CATSPERB: variants seen among roughly 807,000 people sequenced by gnomAD.
CATSPERB encodes catsper channel auxiliary subunit beta.
In CATSPERB, 93 loss-of-function variants were observed where a neutral mutation model predicts 128.3. The observed-to-expected ratio is 0.72, with a 90% CI of 0.61 to 0.86. The LOEUF is 0.86. Ranked by LOEUF, CATSPERB falls within the 40% of genes least tolerant of loss-of-function variation. The pLI, the probability that CATSPERB is intolerant of heterozygous loss-of-function variation, is 0.00. For missense variants in CATSPERB, 1,153 were observed against 1,329.5 expected (o/e 0.87, Z 2.06); for synonymous variants, 381 against 448.8 (o/e 0.85, Z 1.91).
chr14:91,619,555 A>T (rs57050562), intron 19 of CATSPERB, among the ~76,000 whole-genome samples: 2,500 of 144,006 alleles, frequency 0.017, 51 homozygotes, highest in African/African-American at 0.047. Context: ...CTTTTTTTTA[A>T]AAAAAAAATA....
At chr14:91,624,346 T>A (rs1894112384) in intron 18 of CATSPERB, among the ~76,000 whole-genome samples, 1 of 152,208 alleles carries the variant, frequency 6.6e-6, no homozygotes, top group Non-Finnish European at 1.5e-5. Flanking sequence ...TAGCTGGGCG[T>A]GGCAGCATGC....
chr14:91,636,263 TG>T, intron 17 of CATSPERB, 161 bp downstream of exon 17: 2 of 613,088 alleles, frequency 3.3e-6, no homozygotes, highest in Non-Finnish European at 2.8e-6. Context: ...TTCTGGAGGC[TG>T]GGGCCAGAGC....
chr14:91,613,800 T>C (rs1893882674), intron 20 of CATSPERB, among the ~76,000 whole-genome samples: 2 of 152,126 alleles, frequency 1.3e-5, no homozygotes, highest in Admixed American at 1.3e-4. Flanking sequence ...AGAGTAGCCT[T>C]TTGCTCATTA....
intron 14 of CATSPERB, among the ~76,000 whole-genome samples, chr14:91,663,924 C>T (rs1191388355): frequency 6.6e-6 from 1 of 152,170 alleles, no homozygotes; most frequent in Non-Finnish European, 1.5e-5. Context: ...TCCCCAACAA[C>T]TGATGAACCT....
At chr14:91,651,903 A>G (rs1894709300) in intron 15 of CATSPERB, among the ~76,000 whole-genome samples, 1 of 152,158 alleles carries the variant, frequency 6.6e-6, no homozygotes, top group Admixed American at 6.6e-5. Flanking sequence ...TCATACAGGG[A>G]AAAAAATGAA....
Position 91,608,360 on chromosome 14 carries a change from G to A in CATSPERB, c.2643C>T (p.Leu881=). ...GATCTGCATGATAAAAATTATCTGT[G>A]AGTGGAATAGCAATTCCCATATTAG... ...PPSNMGIAIP[L]TDNFYHADPS... The change falls in exon 22 of 27, where the codon CTC becomes CTT. Residue 881 remains leucine (L), a synonymous_variant. Transcript: ENST00000256343. 1 of 1,611,678 alleles carries A rather than the reference G, an allele frequency of 6.2e-7. No homozygotes were observed. The highest frequency in any genetic ancestry group is 1.3e-5 in the African/African-American group (1 of 74,954).
intron 15 of CATSPERB, among the ~76,000 whole-genome samples, chr14:91,658,998 G>A (rs1482018841): frequency 6.6e-6 from 1 of 151,918 alleles, no homozygotes; most frequent in African/African-American, 2.4e-5. Context: ...GAGTTGGAAA[G>A]GAGTGGGCAA....
intron 22 of CATSPERB, among the ~76,000 whole-genome samples, chr14:91,599,379 G>C (rs1324936129): frequency 6.6e-6 from 1 of 151,930 alleles, no homozygotes; most frequent in Non-Finnish European, 1.5e-5. Context: ...CTAACGCGGT[G>C]AAACCCCGTC....
intron 7 of CATSPERB, 31 bp downstream of exon 7, chr14:91,704,521 A>G (rs1007259297): frequency 6.3e-7 from 1 of 1,575,402 alleles, no homozygotes; most frequent in Admixed American, 1.8e-5. Context: ...TAAAAGGCCA[A>G]TGTCAACATT....
intron 11 of CATSPERB, 109 bp downstream of exon 11, chr14:91,683,768 C>A (rs1403021414): frequency 4.5e-6 from 3 of 671,006 alleles, no homozygotes; most frequent in Admixed American, 3.1e-5. Flanking sequence ...CCCTCCCCAG[C>A]CTAAAGTTTG....
At position 91,617,642 on chromosome 14, in the gene CATSPERB, G is replaced by A. The variant is rs1036715116; in HGVS notation, c.2355C>T (p.Asp785=). The A allele has an allele frequency of 3.1e-6, 5 of 1,599,312 alleles. No individual in the cohort carries two copies. Among genetic ancestry groups the A allele is most frequent in the Non-Finnish European group, 3.4e-6 (4 of 1,175,186 alleles). The change falls in exon 20 of 27, where the codon GAC becomes GAT. Residue 785 remains aspartate (D), a synonymous_variant. Transcript: ENST00000256343. ...CTGCAGAAATTGTTATTACATAACT[G>A]TCAGTATCATCAAAAGTCACTTCAG... is the stretch of plus-strand genomic sequence containing the variant. The part of the protein sequence containing the change: ...VTAEVTFDDT[D]SYVITISAAS...
intron 15 of CATSPERB, among the ~76,000 whole-genome samples, chr14:91,654,815 G>T (rs965194503): frequency 6.6e-6 from 1 of 152,138 alleles, no homozygotes; most frequent in Non-Finnish European, 1.5e-5. Context: ...GTGCTGTGCT[G>T]GCTCTGGGTT....
At chr14:91,718,029 G>T (rs1235527257) in intron 5 of CATSPERB, among the ~76,000 whole-genome samples, 1 of 152,114 alleles carries the variant, frequency 6.6e-6, no homozygotes, top group Non-Finnish European at 1.5e-5. Flanking sequence ...GGTGACTTTA[G>T]AATCAATGCT....
At chr14:91,704,773 GTTTTA>G in intron 6 of CATSPERB, 72 bp from the exon 7 acceptor site, 1 of 1,458,714 alleles carries the variant, frequency 6.9e-7, no homozygotes, top group Non-Finnish European at 9.4e-7. Context: ...TCCTTTAAAG[GTTTTA>G]AAAGAACTAT....
intron 20 of CATSPERB, among the ~76,000 whole-genome samples, chr14:91,612,173 C>T (rs984021835): frequency 6.6e-6 from 1 of 152,060 alleles, no homozygotes; most frequent in African/African-American, 2.4e-5. Flanking sequence ...GATCCTCTCA[C>T]CTCAGCTTCC....
intron 5 of CATSPERB, among the ~76,000 whole-genome samples, chr14:91,711,933 C>G (rs1225429656): frequency 6.6e-6 from 1 of 152,002 alleles, no homozygotes; most frequent in Non-Finnish European, 1.5e-5. Context: ...GAAAAATTCC[C>G]CAATATTTGA....
At chr14:91,698,092 C>A (rs908980025) in intron 7 of CATSPERB, among the ~76,000 whole-genome samples, 1 of 152,010 alleles carries the variant, frequency 6.6e-6, no homozygotes, top group African/African-American at 2.4e-5. Flanking sequence ...AGATCTTTCA[C>A]CTCCTTGGTT....
At chr14:91,605,463 C>T (rs1458077680) in intron 22 of CATSPERB, 2 of 446,066 alleles carry the variant, frequency 4.5e-6, no homozygotes, top group Non-Finnish European at 4.0e-6. Flanking sequence ...TGAAGTGAGT[C>T]GCCGCCACAG....
At chr14:91,688,773 T>G (rs1895417309) in intron 10 of CATSPERB, among the ~76,000 whole-genome samples, 1 of 152,238 alleles carries the variant, frequency 6.6e-6, no homozygotes. Flanking sequence ...TATGCTGCAC[T>G]TGAAGCTCTT....
Sources: allele counts gnomAD v4.1 joint callset (sites outside exome capture counted in the v4.1 genomes callset), GRCh38; gene constraint gnomAD v4.1.1; transcripts MANE v1.5; gene names NCBI Gene and HGNC (gene_info 2026-07-23, HGNC 2026-07-21).